Variants in TMPRSS9 observed in about 807,000 individuals in gnomAD.
The protein encoded by TMPRSS9 is transmembrane serine protease 9.
Under a neutral mutation model 111.4 loss-of-function variants are expected in TMPRSS9, and 113 were observed. That is an observed-to-expected ratio of 1.01 (90% CI 0.87 to 1.19). The LOEUF (loss-of-function observed/expected upper bound fraction) is 1.19. Ranked by LOEUF, TMPRSS9 falls within the 50% of genes most tolerant of loss-of-function variation. The pLI, the probability that TMPRSS9 is intolerant of heterozygous loss-of-function variation, is 0.00. For synonymous variants in TMPRSS9, 805 were observed against 659.1 expected (o/e 1.22, Z -3.39); for missense variants, 1,803 against 1,513.1 (o/e 1.19, Z -3.18).
chr19:2,390,531 C>G (rs1469851275), intron 1 of TMPRSS9, among the ~76,000 whole-genome samples: 1 of 149,726 alleles, frequency 6.7e-6, no homozygotes, highest in Non-Finnish European at 1.5e-5. Context: ...GCATGAGCCA[C>G]CGCGCCCGGC....
chr19:2,378,610 TG>T (rs1970356995), intron 1 of TMPRSS9, among the ~76,000 whole-genome samples: 2 of 152,106 alleles, frequency 1.3e-5, no homozygotes, highest in African/African-American at 4.8e-5. Flanking sequence ...CCCAGCTACT[TG>T]GGAGGCTGAG....
chr19:2,421,426 C>A (rs555386794), intron 13 of TMPRSS9, among the ~76,000 whole-genome samples: 51 of 151,538 alleles, frequency 3.4e-4, no homozygotes, highest in African/African-American at 1.2e-3. Flanking sequence ...GTAGGTGGAA[C>A]TACAGGCGCC....
chr19:2,390,241 T>TG (rs1970558345), intron 1 of TMPRSS9, among the ~76,000 whole-genome samples: 2 of 131,234 alleles, frequency 1.5e-5, no homozygotes, highest in African/African-American at 3.2e-5. Context: ...GTTTTTTTTT[T>TG]TGTTTTTTTT....
chr19:2,364,854 G>T (rs998775191), intron 1 of TMPRSS9, among the ~76,000 whole-genome samples: 1 of 151,978 alleles, frequency 6.6e-6, no homozygotes, highest in African/African-American at 2.4e-5. Context: ...GGGCCTGGTG[G>T]CGGGCGCCTG....
intron 1 of TMPRSS9, among the ~76,000 whole-genome samples, chr19:2,392,503 T>C (rs953108760): frequency 6.6e-5 from 10 of 152,332 alleles, no homozygotes; most frequent in South Asian, 2.1e-4. Context: ...GCCCAGGAGT[T>C]CCAGTTCAGC....
At chr19:2,407,524 C>T (rs1970991891) in intron 7 of TMPRSS9, among the ~76,000 whole-genome samples, 1 of 150,366 alleles carries the variant, frequency 6.7e-6, no homozygotes, top group African/African-American at 2.4e-5. Context: ...GAGACTCTGT[C>T]TCAAAAAAAC....
rs964490219 is a variant in TMPRSS9, at chr19:2,380,983, C to T, written c.-25-8778C>T. On this transcript the variant is annotated intron_variant, in intron 1 of 17. Transcript: ENST00000649857. Reference sequence around the variant, plus strand: ...ACTCTCTCAGAAAACCCTCCCCTGACGGCGTGTCTAAATCAAAGACCCCTG... The same window carrying T: ...ACTCTCTCAGAAAACCCTCCCCTGATGGCGTGTCTAAATCAAAGACCCCTG... 1.1e-4 allele frequency among the ~76,000 whole-genome samples: 16 copies of T among 152,160 alleles called. 1 individual carries two copies. The Middle Eastern group carries it at 0.01, about 98-fold the overall frequency.
intron 12 of TMPRSS9, among the ~76,000 whole-genome samples, chr19:2,417,747 T>C (rs1041542449): frequency 6.6e-6 from 1 of 152,154 alleles, no homozygotes; most frequent in African/African-American, 2.4e-5. Context: ...GACCTCAGAA[T>C]GGCCTCCTAC....
chr19:2,403,097 A>C (rs1970886749), exon 6 of TMPRSS9: 1 of 1,610,836 alleles, frequency 6.2e-7, no homozygotes, highest in Non-Finnish European at 8.5e-7. Context: ...TGTCCAGGGA[A>C]CTCCTTTTCC....
At chr19:2,393,138 G>A (rs1970633922) in intron 1 of TMPRSS9, among the ~76,000 whole-genome samples, 2 of 152,180 alleles carry the variant, frequency 1.3e-5, no homozygotes, top group South Asian at 2.1e-4. Context: ...GCGGACTGCT[G>A]GAGCCAGCAG....
In TMPRSS9 at chr19:2,421,867, GC is replaced by G. The variant is rs762515337; in HGVS notation, c.2173del (p.Leu725TrpfsTer16). The G allele has an allele frequency of 9.4e-6, 15 of 1,602,820 alleles. No homozygotes were observed. Among genetic ancestry groups the G allele is most frequent in the Non-Finnish European group, 1.2e-5 (14 of 1,174,274 alleles). On this transcript the variant is annotated frameshift_variant, in exon 14 of 18. Coordinates refer to ENST00000648592, the Ensembl canonical transcript of TMPRSS9. LOFTEE classifies it high-confidence loss of function. ...CTTCCTTTCTAGGGTGACTCTGGGGGCCCCCTGGCCTGCGAGGAGGCCCCTG... is the reference window on the plus strand; with the variant it reads ...CTTCCTTTCTAGGGTGACTCTGGGGGCCCCTGGCCTGCGAGGAGGCCCCTG...
exon 10 of TMPRSS9, chr19:2,413,716 C>T: frequency 6.2e-7 from 1 of 1,610,298 alleles, no homozygotes. Flanking sequence ...TCAGGAGGAC[C>T]CCTGGTCTGC....
rs565544941 is a variant in TMPRSS9, at chr19:2,361,601, G to A, written c.-26+1241G>A. Among the ~76,000 whole-genome samples, 7 of 152,278 alleles carry A rather than the reference G, an allele frequency of 4.6e-5. No individual in the cohort carries two copies. In the South Asian group the frequency reaches 1.0e-3, roughly 23 times the overall value. ...CGGCAGGAAACCCAGGCTGGGGACCGTGGCGTTATCCCCGCATGACCGGGA... is the reference window on the plus strand; with the variant it reads ...CGGCAGGAAACCCAGGCTGGGGACCATGGCGTTATCCCCGCATGACCGGGA... On this transcript the variant is annotated intron_variant, in intron 1 of 17. Transcript: ENST00000649857.
At chr19:2,384,912 G>A (rs960696890), upstream of TMPRSS9, among the ~76,000 whole-genome samples, 1 of 148,990 alleles carries the variant, frequency 6.7e-6, no homozygotes, top group Non-Finnish European at 1.5e-5. Flanking sequence ...AACCCGGGAG[G>A]CAGAAGTTGC....
At chr19:2,369,091 A>G (rs1970270402) in intron 1 of TMPRSS9, among the ~76,000 whole-genome samples, 1 of 151,424 alleles carries the variant, frequency 6.6e-6, no homozygotes, top group Non-Finnish European at 1.5e-5. Flanking sequence ...AACTGGGATT[A>G]CAGGCGCCCA....
chr19:2,425,248 G>C, exon 16 of TMPRSS9: 2 of 1,398,526 alleles, frequency 1.4e-6, no homozygotes, highest in Non-Finnish European at 1.8e-6. Flanking sequence ...TCACCGGCTG[G>C]GGCTCGGTGC....
intron 8 of TMPRSS9, 90 bp downstream of exon 9, chr19:2,408,720 T>C: frequency 6.6e-7 from 1 of 1,507,758 alleles, no homozygotes; most frequent in South Asian, 1.3e-5. Flanking sequence ...CTCACGCCTG[T>C]CATCCCAGCA....
At chr19:2,375,550 G>A (rs1199330081) in intron 1 of TMPRSS9, among the ~76,000 whole-genome samples, 3 of 152,112 alleles carry the variant, frequency 2.0e-5, no homozygotes, top group Admixed American at 6.6e-5. Flanking sequence ...GATGGGGATG[G>A]AGGGGTGGGA....
At chr19:2,398,970 C>A in intron 3 of TMPRSS9, 48 bp from the exon 5 acceptor site, 1 of 1,578,318 alleles carries the variant, frequency 6.3e-7, no homozygotes. Context: ...AAGATTCCAG[C>A]AGGGCGGAGC....
Sources: allele counts gnomAD v4.1 joint callset (sites outside exome capture counted in the v4.1 genomes callset), GRCh38; gene constraint gnomAD v4.1.1; transcripts MANE v1.5; gene names NCBI Gene and HGNC (gene_info 2026-07-23, HGNC 2026-07-21).